The following VWA8 variants were observed in gnomAD, a reference collection of about 807,000 sequenced individuals.
The protein encoded by VWA8 is von Willebrand factor A domain containing 8.
Under a neutral mutation model 241.5 loss-of-function variants are expected in VWA8, and 221 were observed. The observed-to-expected ratio is 0.91, with a 90% CI of 0.82 to 1.02. The LOEUF (loss-of-function observed/expected upper bound fraction) is 1.02. Ranked by LOEUF, VWA8 falls within the 50% of genes least tolerant of loss-of-function variation. The pLI is 0.00. For missense variants in VWA8, 2,322 were observed against 2,328.7 expected (o/e 1.00, Z 0.06); for synonymous variants, 852 against 827.1 (o/e 1.03, Z -0.52).
intron 19 of VWA8, among the ~76,000 whole-genome samples, chr13:41,780,445 C>T (rs1868840477): frequency 6.6e-6 from 1 of 152,154 alleles, no homozygotes; most frequent in Admixed American, 6.6e-5. Flanking sequence ...CAGTTAATGG[C>T]ACCATTTTCT....
At chr13:41,598,289 A>G (rs2044501017) in intron 40 of VWA8, among the ~76,000 whole-genome samples, 1 of 152,058 alleles carries the variant, frequency 6.6e-6, no homozygotes, top group African/African-American at 2.4e-5. Flanking sequence ...TAACTAACCA[A>G]AAACCAACAG....
intron 14 of VWA8, among the ~76,000 whole-genome samples, chr13:41,825,420 T>C (rs1314192253): frequency 1.3e-5 from 2 of 152,116 alleles, no homozygotes; most frequent in Non-Finnish European, 2.9e-5. Flanking sequence ...GAACAAGAGC[T>C]TTAAAGCCAA....
At chr13:41,857,960 C>T (rs2138038885) in intron 12 of VWA8, among the ~76,000 whole-genome samples, 1 of 152,270 alleles carries the variant, frequency 6.6e-6, no homozygotes, top group Middle Eastern at 3.4e-3. Context: ...AGGAGAAAGG[C>T]AGTATTTGCT....
At chr13:41,772,172 G>A (rs1474498310) in intron 20 of VWA8, among the ~76,000 whole-genome samples, 1 of 152,172 alleles carries the variant, frequency 6.6e-6, no homozygotes, top group East Asian at 1.9e-4. Context: ...TTACAGGCGT[G>A]AGCCACTGCG....
intron 2 of VWA8, among the ~76,000 whole-genome samples, chr13:41,945,229 C>G (rs1263978334): frequency 6.6e-6 from 1 of 151,628 alleles, no homozygotes; most frequent in East Asian, 1.9e-4. Flanking sequence ...ACTAAGCTAA[C>G]AAGGCATGAC....
chr13:41,619,788 G>T (rs2044645093), intron 37 of VWA8, among the ~76,000 whole-genome samples: 1 of 152,108 alleles, frequency 6.6e-6, no homozygotes, highest in African/African-American at 2.4e-5. Context: ...ATTTGCGTAT[G>T]TTGAACCAGC....
chr13:41,762,864 A>T (rs1039486870), intron 20 of VWA8, among the ~76,000 whole-genome samples: 1 of 152,158 alleles, frequency 6.6e-6, no homozygotes, highest in African/African-American at 2.4e-5. Context: ...AATATTTGTC[A>T]AGTGAATAAA....
Position 41,701,488 on chromosome 13 carries a change from G to A in VWA8, c.3268C>T (p.His1090Tyr). The A allele has an allele frequency of 6.2e-7, 1 of 1,611,888 alleles. No individual in the cohort carries two copies. Among genetic ancestry groups the A allele is most frequent in the Non-Finnish European group, 8.5e-7 (1 of 1,179,040 alleles). Residue 1090 changes from histidine (H) to tyrosine (Y), a missense_variant, in exon 28 of 45, where the codon CAT becomes TAT. By Grantham distance (83) the His-to-Tyr change is moderately conservative. Coordinates refer to ENST00000379310, the MANE Select transcript of VWA8 (RefSeq NM_015058.2). The stretch of plus-strand genomic sequence containing the variant: ...GTAAAGTTTAGGGATCTTTCTTCAT[G>A]TCTTTCTATTGGATACTCCTGTATA... ...INIQEYPIER[H>Y]EERSLNFTEE... is the part of the protein sequence containing the mutation.
chr13:41,872,298 C>G (rs1379708577), intron 9 of VWA8, among the ~76,000 whole-genome samples: 2 of 152,136 alleles, frequency 1.3e-5, no homozygotes, highest in South Asian at 2.1e-4. Context: ...TGTGCAGAAG[C>G]TCTTTAGTTT....
intron 21 of VWA8, among the ~76,000 whole-genome samples, chr13:41,748,828 C>T (rs1050880481): frequency 6.6e-6 from 1 of 152,154 alleles, no homozygotes; most frequent in Non-Finnish European, 1.5e-5. Flanking sequence ...GAAACTGGAT[C>T]CCTTCCTTAC....
At chr13:41,891,116 G>A (rs771085514) in intron 5 of VWA8, among the ~76,000 whole-genome samples, 2 of 145,208 alleles carry the variant, frequency 1.4e-5, no homozygotes, top group Non-Finnish European at 3.0e-5. Flanking sequence ...AGAAAGGGGG[G>A]AAAAAAGGAG....
rs554287105 is a variant in VWA8 at position 41,662,367 on chromosome 13, T to C, written c.4611+8579A>G. Among the ~76,000 whole-genome samples, 51 of 152,270 alleles carry C rather than the reference T, an allele frequency of 3.3e-4. 1 individual carries two copies. The South Asian group carries it at 0.01, about 31-fold the overall frequency. ...ATCCTGCACAAGTCTTATTGATTTA[T>C]ACCTAAATAAAAAATTTCATTTTTA... On this transcript the variant is annotated intron_variant, in intron 37 of 44. Coordinates refer to ENST00000379310, the MANE Select transcript of VWA8 (RefSeq NM_015058.2).
At position 41,761,231 on chromosome 13, in the gene VWA8, A is replaced by T. The variant is rs1238913045; in HGVS notation, c.2350-27T>A. ...TGTAATTACACAGAAAACATTAAAC[A>T]AAAAGAGGCTATTTTCTGGAGATAA... On this transcript the variant is annotated intron_variant, in intron 20 of 44. Coordinates refer to ENST00000379310, the MANE Select transcript of VWA8 (RefSeq NM_015058.2). 4.4e-6 allele frequency: 7 copies of T among 1,601,504 alleles called. No homozygotes were observed. The Admixed American group carries it at 1.2e-4, about 27-fold the overall frequency.
At chr13:41,696,351 A>G (rs2045215793) in intron 29 of VWA8, among the ~76,000 whole-genome samples, 1 of 152,254 alleles carries the variant, frequency 6.6e-6, no homozygotes, top group Admixed American at 6.5e-5. Context: ...CTGATATATT[A>G]TGCAATACTT....
At position 41,685,216 on chromosome 13, in the gene VWA8, C is replaced by T. The variant is rs778930120; in HGVS notation, c.4158G>A (p.Lys1386=). ...LMSPSEVYSW[K]RPSSLHKRSG... is the part of the protein sequence containing the mutation. The stretch of plus-strand genomic sequence containing the variant: ...TTCGTTTATGCAAAGATGATGGTCT[C>T]TTCCAAGAATAAACTTCACTGGGTG... Residue 1386 remains lysine (K), a synonymous_variant, in exon 35 of 45, where the codon AAG becomes AAA. Transcript: ENST00000379310. 9 of 1,612,442 alleles carry T rather than the reference C, an allele frequency of 5.6e-6. No homozygotes were observed. In the South Asian group the frequency reaches 9.9e-5, roughly 18 times the overall value.
At chr13:41,926,992 C>G (rs1024623933) in intron 2 of VWA8, 29 of 462,118 alleles carry the variant, frequency 6.3e-5, no homozygotes, top group African/African-American at 5.2e-4. Context: ...ATAATGAGCG[C>G]TATGGCAAAT....
At position 41,912,150 on chromosome 13, in the gene VWA8, T is replaced by A. The variant is rs771709787; in HGVS notation, c.260A>T (p.Gln87Leu). ...PQNYISDSLAQSVVQHLRWIM... is the reference protein window; with the variant it reads ...PQNYISDSLALSVVQHLRWIM... ...CCATCTTAGATGCTGAACTACAGAT[T>A]GAGCCAGAGAGTCTGAAACTATAAA... The change falls in exon 3 of 45, where the codon CAA becomes CTA. Residue 87 changes from glutamine to leucine, a missense_variant. Gln to Leu is a moderately radical substitution (Grantham distance 113). Transcript: ENST00000379310. 1.7e-5 allele frequency: 28 copies of A among 1,600,918 alleles called. No homozygotes were observed. Among genetic ancestry groups the A allele is most frequent in the Non-Finnish European group, 3.4e-6 (4 of 1,172,810 alleles).
intron 2 of VWA8, among the ~76,000 whole-genome samples, chr13:41,922,518 T>A (rs1876597510): frequency 1.3e-5 from 2 of 151,956 alleles, no homozygotes; most frequent in South Asian, 4.2e-4. Flanking sequence ...TGGGAGAAAA[T>A]TTTTACAATC....
At chr13:41,810,035 A>G (rs938777368) in intron 17 of VWA8, among the ~76,000 whole-genome samples, 1 of 152,188 alleles carries the variant, frequency 6.6e-6, no homozygotes, top group Admixed American at 6.5e-5. Flanking sequence ...ATGCAAATCA[A>G]AACTATAATG....
Sources: gnomAD v4.1 joint callset for allele counts (sites outside exome capture counted in the v4.1 genomes callset) on GRCh38, gnomAD v4.1.1 for gene constraint, MANE v1.5 for transcripts, NCBI Gene and HGNC (gene_info 2026-07-23, HGNC 2026-07-21) for gene names.